Variants in PEAK1 observed in about 807,000 individuals in gnomAD.
PEAK1 encodes the protein pseudopodium enriched atypical kinase 1.
A neutral mutation model predicts 124.7 loss-of-function variants in PEAK1; 54 were observed. The ratio of observed to expected loss-of-function variants is 0.43; its 90% CI spans 0.35 to 0.54. PEAK1 has a LOEUF of 0.54. Among genes scored for constraint, PEAK1 ranks in the 20% least tolerant of loss-of-function variants. The pLI is 0.01. For missense variants in PEAK1, 2,046 were observed against 2,134.5 expected (o/e 0.96, Z 0.82); for synonymous variants, 719 against 760.0 (o/e 0.95, Z 0.89).
At chr15:77,375,605 A>G (rs1422926816) in intron 1 of PEAK1, among the ~76,000 whole-genome samples, 1 of 152,188 alleles carries the variant, frequency 6.6e-6, no homozygotes, top group Non-Finnish European at 1.5e-5. Flanking sequence ...ACAAAATTCT[A>G]TTTTCATTAA....
chr15:77,135,500 C>T (rs1160213867), intron 8 of PEAK1, among the ~76,000 whole-genome samples: 3 of 152,196 alleles, frequency 2.0e-5, no homozygotes, highest in Admixed American at 6.5e-5. Flanking sequence ...TGCTTATAGG[C>T]TACAAACCTG....
chr15:77,235,852 C>T (rs2060097925), intron 6 of PEAK1, among the ~76,000 whole-genome samples: 1 of 152,236 alleles, frequency 6.6e-6, no homozygotes, highest in African/African-American at 2.4e-5. Context: ...GCTGCTTCAG[C>T]TCCAGCATGG....
chr15:77,399,729 A>G lies in PEAK1; in HGVS notation c.-666+20277T>C, dbSNP rs543261794. On this transcript the variant is annotated intron_variant, in intron 1 of 9. Transcript: ENST00000682557. ...AAAACTACTACAAGGAAACACTGGGAAAACTCTCCAGGGCATTGGACTGGG... is the reference window on the plus strand; with the variant it reads ...AAAACTACTACAAGGAAACACTGGGGAAACTCTCCAGGGCATTGGACTGGG... Among the ~76,000 whole-genome samples the G allele has an allele frequency of 2.6e-5, 4 of 152,332 alleles. No individual in the cohort carries two copies. In the East Asian group the frequency reaches 7.7e-4, roughly 29 times the overall value.
intron 2 of PEAK1, among the ~76,000 whole-genome samples, chr15:77,289,750 T>C (rs1020819677): frequency 2.6e-5 from 4 of 152,110 alleles, no homozygotes; most frequent in Admixed American, 6.5e-5. Context: ...GCAGAGAGAA[T>C]TGCTTGAACC....
At chr15:77,102,062 T>A (rs2050699217) in exon 7 of PEAK1, 1 of 152,238 alleles carries the variant, frequency 6.6e-6, no homozygotes, top group Admixed American at 6.5e-5. Context: ...TGGTGGTCAT[T>A]TCTAGATGGT....
intron 2 of PEAK1, among the ~76,000 whole-genome samples, chr15:77,309,749 T>C (rs1021536920): frequency 9.2e-5 from 14 of 152,202 alleles, no homozygotes; most frequent in African/African-American, 3.1e-4. Context: ...TGTCATTGCA[T>C]ATTTTTTATT....
chr15:77,182,676 T>C (rs2057338446), intron 6 of PEAK1, among the ~76,000 whole-genome samples: 1 of 136,566 alleles, frequency 7.3e-6, no homozygotes, highest in African/African-American at 2.7e-5. Context: ...TGTTTGAGCC[T>C]GGGAGGTGGA....
intron 2 of PEAK1, chr15:77,334,742 A>G (rs1597340491): frequency 5.1e-6 from 5 of 974,970 alleles, no homozygotes; most frequent in Non-Finnish European, 3.6e-6. Flanking sequence ...TGTTTGTACA[A>G]TACATTTTAT....
At chr15:77,350,481 T>C in intron 2 of PEAK1, 8 of 985,344 alleles carry the variant, frequency 8.1e-6, no homozygotes, top group Non-Finnish European at 9.6e-6. Context: ...GGTATGTTGC[T>C]TGTCTGTCTT....
At chr15:77,206,807 G>C (rs1192037739) in intron 6 of PEAK1, among the ~76,000 whole-genome samples, 1 of 151,928 alleles carries the variant, frequency 6.6e-6, no homozygotes, top group Non-Finnish European at 1.5e-5. Flanking sequence ...AGTTTCTTTT[G>C]CTGTGCAGAA....
In PEAK1 at chr15:77,179,792, C is replaced by A. The variant is rs1379424138; in HGVS notation, c.2135G>T (p.Cys712Phe). ...VAQKVQEFNNCLNRGQSSPQR... is the reference protein window; with the variant it reads ...VAQKVQEFNNFLNRGQSSPQR... ...TGGTGAAGACTGACCTCTGTTGAGA[C>A]AGTTGTTAAACTCTTGAACCTTCTG... The change falls in exon 7 of 10, where the codon TGT becomes TTT. Residue 712 changes from cysteine (C) to phenylalanine (F), a missense_variant. Transcript: ENST00000682557. 2.5e-6 allele frequency: 4 copies of A among 1,614,118 alleles called. No homozygotes were observed. The highest frequency in any genetic ancestry group is 3.3e-5 in the Admixed American group (2 of 60,004).
intron 1 of PEAK1, among the ~76,000 whole-genome samples, chr15:77,400,862 T>C (rs2071320157): frequency 6.6e-6 from 1 of 152,186 alleles, no homozygotes; most frequent in African/African-American, 2.4e-5. Flanking sequence ...TTTCAATATA[T>C]TGTTTGAATT....
chr15:77,313,722 G>GTA (rs1322968176), intron 2 of PEAK1, among the ~76,000 whole-genome samples: 19 of 104,630 alleles, frequency 1.8e-4, no homozygotes, highest in African/African-American at 5.8e-4. Context: ...GTGTGTGTGT[G>GTA]TGTGTATATA....
chr15:77,320,691 G>A (rs2065147914), intron 2 of PEAK1, among the ~76,000 whole-genome samples: 1 of 151,986 alleles, frequency 6.6e-6, no homozygotes, highest in South Asian at 2.1e-4. Context: ...TTAAGTTTTA[G>A]GGTACATGGG....
chr15:77,182,934 A>G (rs1441743427), intron 6 of PEAK1, among the ~76,000 whole-genome samples: 2 of 152,046 alleles, frequency 1.3e-5, no homozygotes, highest in African/African-American at 4.8e-5. Context: ...AAAACCCATG[A>G]AATTCTTACG....
In PEAK1 at chr15:77,384,488, C is replaced by A. The variant is rs76810660; in HGVS notation, c.-665-19263G>T. Among the ~76,000 whole-genome samples, 304 of 152,270 alleles carry A rather than the reference C, an allele frequency of 2.0e-3. 1 individual carries two copies. The highest frequency in any genetic ancestry group is 7.2e-3 in the African/African-American group (301 of 41,554). On this transcript the variant is annotated intron_variant, in intron 1 of 9. Transcript: ENST00000682557. The stretch of plus-strand genomic sequence containing the variant: ...GTACAAAGAAAACTGAAAATCTGCA[C>A]ATGTAGCTGGACAAGTAATAGTTTC...
At chr15:77,213,960 A>G (rs903148781) in intron 6 of PEAK1, among the ~76,000 whole-genome samples, 3 of 152,162 alleles carry the variant, frequency 2.0e-5, no homozygotes, top group Admixed American at 1.3e-4. Context: ...GGCCTCAATA[A>G]CCACTTTAAT....
chr15:77,181,136 ATC>A lies in PEAK1; in HGVS notation c.789_790del (p.Glu263AspfsTer47). ...AAAGCGAGGTTGCCCTCTCATGCGA[ATC>A]TCCATGGCCAACAGCTCTTCATCAC... On this transcript the variant is annotated frameshift_variant, in exon 7 of 10. Coordinates refer to ENST00000682557, the MANE Select transcript of PEAK1 (RefSeq NM_001385026.1). LOFTEE classifies it high-confidence loss of function. 6.2e-7 allele frequency: 1 copy of A among 1,614,106 alleles called. No individual in the cohort carries two copies. Among genetic ancestry groups the A allele is most frequent in the South Asian group, 1.1e-5 (1 of 91,088 alleles).
chr15:77,221,988 C>T (rs1462367469), intron 6 of PEAK1, among the ~76,000 whole-genome samples: 2 of 152,012 alleles, frequency 1.3e-5, no homozygotes, highest in Non-Finnish European at 2.9e-5. Flanking sequence ...AATGTCACTA[C>T]TGGGGCATAT....
Sources: gnomAD v4.1 joint callset for allele counts (sites outside exome capture counted in the v4.1 genomes callset) on GRCh38, gnomAD v4.1.1 for gene constraint, MANE v1.5 for transcripts, NCBI Gene and HGNC (gene_info 2026-07-23, HGNC 2026-07-21) for gene names.